DOP1B: variants seen among roughly 807,000 people sequenced by gnomAD.
DOP1B encodes the protein DOP1 leucine zipper like protein B.
A neutral mutation model predicts 233.5 loss-of-function variants in DOP1B; 174 were observed. That is an observed-to-expected ratio of 0.75 (90% CI 0.66 to 0.85). The LOEUF (loss-of-function observed/expected upper bound fraction) is 0.85. Ranked by LOEUF, DOP1B falls within the 40% of genes least tolerant of loss-of-function variation. The pLI, the probability that DOP1B is intolerant of heterozygous loss-of-function variation, is 0.00. For synonymous variants in DOP1B, 1,190 were observed against 1,185.6 expected (o/e 1.00, Z -0.08); for missense variants, 2,652 against 2,846.6 (o/e 0.93, Z 1.56).
chr21:36,258,852 A>G (rs552622413), intron 23 of DOP1B, among the ~76,000 whole-genome samples: 1 of 152,280 alleles, frequency 6.6e-6, no homozygotes, highest in South Asian at 2.1e-4. Flanking sequence ...GAGCGAGCTC[A>G]GTCAGTGCTT....
rs200456435 is a variant in DOP1B, at chr21:36,246,004, C to T, written c.4024C>T (p.Arg1342Trp). Residue 1342 changes from arginine (R) to tryptophan (W), a missense_variant, in exon 19 of 37, where the codon CGG becomes TGG. Transcript: ENST00000691173. This position sits in a 1 kb window ranked among gnomAD's most constrained non-coding sequence, Gnocchi z 5.1. ...KVSHRDILGNRDVQVKSVEVL... is the reference protein window; with the variant it reads ...KVSHRDILGNWDVQVKSVEVL... ...CTCGCACCGAGACATTCTCGGCAAC[C>T]GGGACGTGCAGGTCAAAAGTGTCGA... The T allele has an allele frequency of 5.9e-4, 948 of 1,614,052 alleles. 2 individuals are homozygous for T. Among genetic ancestry groups the T allele is most frequent in the South Asian group, 7.0e-4 (64 of 91,052 alleles).
At chr21:36,221,425 G>A (rs56336178) in intron 10 of DOP1B, among the ~76,000 whole-genome samples, 22 of 151,844 alleles carry the variant, frequency 1.4e-4, no homozygotes, top group African/African-American at 4.1e-4. Context: ...AACCTGGGAG[G>A]TGGAGGCTGC....
Position 36,225,616 on chromosome 21 carries a change from G to A in DOP1B, c.1422G>A (p.Thr474=), listed in dbSNP as rs754060532. ...SVRNSVSPPP[T]VSELCALLVF... ...GGAACAGCGTCAGCCCTCCCCCCAC[G>A]GTCTCGGAGCTCTGCGCCCTCCTGG... Residue 474 remains threonine (T), a synonymous_variant, in exon 12 of 37, where the codon ACG becomes ACA. Coordinates refer to ENST00000691173, the MANE Select transcript of DOP1B (RefSeq NM_001320714.2). 7.4e-6 allele frequency: 12 copies of A among 1,614,028 alleles called. No individual in the cohort carries two copies. Among genetic ancestry groups the A allele is most frequent in the Middle Eastern group, 1.6e-4 (1 of 6,084 alleles).
intron 2 of DOP1B, among the ~76,000 whole-genome samples, chr21:36,192,607 T>C (rs543335531): frequency 1.3e-5 from 2 of 152,128 alleles, no homozygotes; most frequent in South Asian, 4.2e-4. Flanking sequence ...TGGTCTCCAA[T>C]TCCTAGGCTC....
intron 27 of DOP1B, among the ~76,000 whole-genome samples, chr21:36,272,433 C>A (rs776196818): frequency 6.6e-6 from 1 of 150,710 alleles, no homozygotes; most frequent in Non-Finnish European, 1.5e-5. Context: ...GTGGATCACC[C>A]GAGGTCAGGA....
In DOP1B at chr21:36,281,552, C is replaced by A; in HGVS notation, c.6101C>A (p.Ala2034Asp). The part of the protein sequence containing the change: ...EQKAMLLKRQ[A>D]FAVFSGELDQ... ...AAAGCCATGCTGTTAAAGCGCCAGG[C>A]TTTTGCTGTCTTCAGTGGAGAACTT... Residue 2034 changes from alanine to aspartate, a missense_variant, in exon 32 of 37, where the codon GCT (alanine) becomes GAT (aspartate). Physicochemically the swap from Ala to Asp is moderately radical, Grantham distance 126. Transcript: ENST00000691173. The A allele has an allele frequency of 6.2e-7, 1 of 1,610,238 alleles. No individual in the cohort carries two copies. The highest frequency in any genetic ancestry group is 1.3e-5 in the African/African-American group (1 of 75,020).
chr21:36,271,460 C>T (rs919628308), intron 27 of DOP1B, among the ~76,000 whole-genome samples: 6 of 152,024 alleles, frequency 3.9e-5, no homozygotes, highest in African/African-American at 1.5e-4. Context: ...TTAGTAAAGA[C>T]AGCGTTTCAC....
Position 36,225,621 on chromosome 21 carries a change from C to T in DOP1B, c.1427C>T (p.Ser476Leu), listed in dbSNP as rs182321260. 4.5e-5 allele frequency: 73 copies of T among 1,614,170 alleles called. No individual in the cohort carries two copies. In the East Asian group the frequency reaches 1.1e-3, roughly 25 times the overall value. ...AGCGTCAGCCCTCCCCCCACGGTCT[C>T]GGAGCTCTGCGCCCTCCTGGTCTTC... ...RNSVSPPPTV[S>L]ELCALLVFLL... The change falls in exon 12 of 37, where the codon TCG (serine) becomes TTG (leucine). Residue 476 changes from serine (S) to leucine (L), a missense_variant. Ser to Leu is a moderately radical substitution (Grantham distance 145). Coordinates refer to ENST00000691173, the MANE Select transcript of DOP1B (RefSeq NM_001320714.2).
rs373514422 is a variant in DOP1B at position 36,248,446 on chromosome 21, C to T, written c.4876C>T (p.Arg1626Ter). 21 of 1,613,926 alleles carry T rather than the reference C, an allele frequency of 1.3e-5. No individual in the cohort carries two copies. Among genetic ancestry groups the T allele is most frequent in the South Asian group, 2.2e-5 (2 of 91,060 alleles). The change falls in exon 21 of 37, where the codon CGA becomes TGA. Residue 1626 changes from arginine to a stop codon, truncating the protein, a stop_gained. Transcript: ENST00000691173. LOFTEE classifies it high-confidence loss of function. ...AAATGCCATTTTGGAAGAGCTGCCT[C>T]GAACTGTTAACACCATGGCCCTTCT... ...ARNAILEELP[R>*]TVNTMALLWN...
In DOP1B at chr21:36,278,665, C is replaced by A. The variant is rs2067381737; in HGVS notation, c.5969+310C>A. ...GGTGGATCACCTGAGCCCAGGAGTTCGAGACCAGCCTGGCCAACATGGCGA... is the reference window on the plus strand; with the variant it reads ...GGTGGATCACCTGAGCCCAGGAGTTAGAGACCAGCCTGGCCAACATGGCGA... On this transcript the variant is annotated intron_variant, in intron 30 of 36. Transcript: ENST00000691173. 2.6e-5 allele frequency among the ~76,000 whole-genome samples: 4 copies of A among 151,914 alleles called. No homozygotes were observed. The South Asian group carries it at 8.4e-4, about 32-fold the overall frequency.
At chr21:36,159,750 A>G (rs2065853909) in intron 1 of DOP1B, among the ~76,000 whole-genome samples, 1 of 152,150 alleles carries the variant, frequency 6.6e-6, no homozygotes, top group Non-Finnish European at 1.5e-5. Flanking sequence ...TATCGTCAAT[A>G]CACACCTTAT....
intron 34 of DOP1B, 71 bp downstream of exon 34, chr21:36,288,882 A>G (rs9979272): frequency 0.38 from 562,783 of 1,462,374 alleles, 109,503 homozygotes; most frequent in Middle Eastern, 0.43. Flanking sequence ...TTAGATATAG[A>G]GTTGTCTAAT....
chr21:36,214,981 T>C (rs1157206407), intron 9 of DOP1B, among the ~76,000 whole-genome samples: 1 of 152,170 alleles, frequency 6.6e-6, no homozygotes, highest in Non-Finnish European at 1.5e-5. Context: ...GGGTCGAGGC[T>C]GCAGTGAGCT....
In DOP1B at chr21:36,177,371, G is replaced by A. The variant is rs16993942; in HGVS notation, c.138+12500G>A. Reference sequence around the variant, plus strand: ...CTGAAAAGAGTCTGATATGCTTTTCGATAATTTGTAGCCAGGATAGTCTAT... The same window carrying A: ...CTGAAAAGAGTCTGATATGCTTTTCAATAATTTGTAGCCAGGATAGTCTAT... On this transcript the variant is annotated intron_variant, in intron 2 of 36. Transcript: ENST00000691173. 2.5e-4 allele frequency among the ~76,000 whole-genome samples: 38 copies of A among 152,312 alleles called. No homozygotes were observed. The East Asian group carries it at 4.0e-3, about 16-fold the overall frequency.
intron 33 of DOP1B, 73 bp downstream of exon 33, chr21:36,288,223 C>T (rs1025741961): frequency 7.1e-7 from 1 of 1,405,486 alleles, no homozygotes; most frequent in Non-Finnish European, 9.7e-7. Flanking sequence ...ACATAACGTA[C>T]TATTTCCTAT....
chr21:36,221,449 C>T (rs1158457434), intron 10 of DOP1B, among the ~76,000 whole-genome samples: 5 of 151,822 alleles, frequency 3.3e-5, no homozygotes, highest in African/African-American at 1.2e-4. Flanking sequence ...GAGCCAAGAT[C>T]GTGCCACTGC....
At chr21:36,242,176 A>ATTATTATTATTATTATTG (rs2066900574) in intron 18 of DOP1B, among the ~76,000 whole-genome samples, 2 of 148,796 alleles carry the variant, frequency 1.3e-5, no homozygotes, top group Admixed American at 1.3e-4. Flanking sequence ...TATTATTATT[A>ATTATTATTATTATTATTG]TTATTATTAT....
chr21:36,235,813 C>T lies in DOP1B; in HGVS notation c.2623-1449C>T, dbSNP rs1010300411. On this transcript the variant is annotated intron_variant, in intron 15 of 36. Coordinates refer to ENST00000691173, the MANE Select transcript of DOP1B (RefSeq NM_001320714.2). ...TTGCAAAAAAATTTTTTAAACCTTCCGGAAGGGAGTCTCTTGCATATATAT... is the reference window on the plus strand; with the variant it reads ...TTGCAAAAAAATTTTTTAAACCTTCTGGAAGGGAGTCTCTTGCATATATAT... 1.1e-4 allele frequency among the ~76,000 whole-genome samples: 16 copies of T among 142,010 alleles called. No individual in the cohort carries two copies. The South Asian group carries it at 1.5e-3, about 14-fold the overall frequency. The allele number at this position is 142,010 out of a possible 152,430, so 93.2% of individuals were successfully genotyped here. A position where few individuals can be genotyped will look rare whatever the true frequency, so the allele number is the denominator to read the frequency against.
At position 36,245,563 on chromosome 21, in the gene DOP1B, G is replaced by A. The variant is rs1401993090; in HGVS notation, c.3583G>A (p.Asp1195Asn). 5 of 1,613,478 alleles carry A rather than the reference G, an allele frequency of 3.1e-6. No individual in the cohort carries two copies. Among genetic ancestry groups the A allele is most frequent in the East Asian group, 2.2e-5 (1 of 44,878 alleles). Residue 1195 changes from aspartate to asparagine, a missense_variant, in exon 19 of 37, where the codon GAC (aspartate) becomes AAC (asparagine). By Grantham distance (23) the Asp-to-Asn change is conservative (BLOSUM62 1). This residue lies in a region of DOP1B where 2,617 missense variants were observed against 2,794.3 expected (regional missense o/e 0.94). Transcript: ENST00000691173. The surrounding 1 kb of genome is among the most constrained non-coding windows in gnomAD (Gnocchi z 5.5). ...GCAGGCTTCTGAGTCGTTCTCCAGC[G>A]ACGAGGAGGCGGACTTGGAGCTCCA... ...KTQASESFSS[D>N]EEADLELQAL... is the part of the protein sequence containing the mutation.
Sources: allele counts gnomAD v4.1 joint callset (sites outside exome capture counted in the v4.1 genomes callset), GRCh38; gene constraint gnomAD v4.1.1; regional missense constraint gnomAD v4.1.1; non-coding constraint Gnocchi (gnomAD v3.1); transcripts MANE v1.5; gene names NCBI Gene and HGNC (gene_info 2026-07-23, HGNC 2026-07-21).